The following FRMD4A variants were observed in gnomAD, a reference collection of about 807,000 sequenced individuals.
FRMD4A encodes the protein FERM domain containing 4A, also known as FERM domain-containing protein 4A.
A neutral mutation model predicts 129.1 loss-of-function variants in FRMD4A; 29 were observed. The observed-to-expected ratio is 0.22, with a 90% CI of 0.17 to 0.31. The LOEUF is 0.31. Ranked by LOEUF, FRMD4A falls within the 10% of genes least tolerant of loss-of-function variation. FRMD4A has a pLI of 1.00. For missense variants in FRMD4A, 1,272 were observed against 1,375.8 expected (o/e 0.92, Z 1.19); for synonymous variants, 634 against 571.6 (o/e 1.11, Z -1.56).
At chr10:14,198,901 A>G (rs11258938) in intron 2 of FRMD4A, among the ~76,000 whole-genome samples, 20,410 of 152,200 alleles carry the variant, frequency 0.13, 2,851 homozygotes, top group African/African-American at 0.36. Context: ...TTACAGAGCT[A>G]TTGTGAGGTT....
chr10:13,721,102 A>G (rs747633067), intron 12 of FRMD4A, among the ~76,000 whole-genome samples: 8 of 151,966 alleles, frequency 5.3e-5, no homozygotes, highest in Non-Finnish European at 8.8e-5. Context: ...GTGACAAGGT[A>G]CTCCCCTTGT....
At chr10:14,221,053 G>A (rs1401780658) in intron 2 of FRMD4A, among the ~76,000 whole-genome samples, 1 of 152,146 alleles carries the variant, frequency 6.6e-6, no homozygotes, top group African/African-American at 2.4e-5. Flanking sequence ...GAGGAGCAGA[G>A]AGATTGAGGA....
At chr10:14,006,612 A>T (rs2095663128) in intron 2 of FRMD4A, among the ~76,000 whole-genome samples, 3 of 152,156 alleles carry the variant, frequency 2.0e-5, no homozygotes, top group African/African-American at 7.2e-5. Flanking sequence ...TATGTGCTCA[A>T]TGTGGCCATT....
At chr10:13,963,732 C>A (rs1349358999) in intron 2 of FRMD4A, among the ~76,000 whole-genome samples, 1 of 152,040 alleles carries the variant, frequency 6.6e-6, no homozygotes, top group Non-Finnish European at 1.5e-5. Context: ...AATTACAAAC[C>A]CTATTCTAGG....
rs148111528 is a variant in FRMD4A at position 14,042,683 on chromosome 10, G to C, written c.46-183771C>G. On this transcript the variant is annotated intron_variant, in intron 2 of 24. Transcript: ENST00000357447. ...AGATAAGAAATTTATTTGAAAACAG[G>C]CCGGCGCAGTGGCTCATGCCTGTAA... is the stretch of plus-strand genomic sequence containing the variant. 5.9e-3 allele frequency among the ~76,000 whole-genome samples: 891 copies of C among 152,068 alleles called. 12 individuals are homozygous for C. Among genetic ancestry groups the C allele is most frequent in the Middle Eastern group, 0.027 (8 of 294 alleles).
chr10:14,263,842 C>T (rs1844888441), intron 2 of FRMD4A, among the ~76,000 whole-genome samples: 1 of 152,168 alleles, frequency 6.6e-6, no homozygotes, highest in East Asian at 1.9e-4. Flanking sequence ...GGCATTCCAG[C>T]AGCCAGGTCA....
At chr10:13,811,080 C>A (rs1265002323) in intron 3 of FRMD4A, among the ~76,000 whole-genome samples, 172 bp from the exon 4 acceptor site, 1 of 151,806 alleles carries the variant, frequency 6.6e-6, no homozygotes, top group Admixed American at 6.6e-5. Flanking sequence ...GATGAGCACA[C>A]AGCCAAGTCA....
At chr10:14,102,526 G>T (rs1026165196) in intron 2 of FRMD4A, among the ~76,000 whole-genome samples, 1 of 152,138 alleles carries the variant, frequency 6.6e-6, no homozygotes, top group Non-Finnish European at 1.5e-5. Context: ...GTATGTCAGG[G>T]TGCTCTGGAC....
chr10:14,226,464 TAC>T (rs1281100089), intron 2 of FRMD4A, among the ~76,000 whole-genome samples: 1 of 152,222 alleles, frequency 6.6e-6, no homozygotes, highest in African/African-American at 2.4e-5. Flanking sequence ...TATAGAAATG[TAC>T]AGTCTCACAG....
chr10:14,318,329 C>CT (rs368474626), intron 2 of FRMD4A, among the ~76,000 whole-genome samples: 83,715 of 145,772 alleles, frequency 0.57, 24,259 homozygotes, highest in African/African-American at 0.66. Flanking sequence ...CCCCCCCCAC[C>CT]TTTTTTTTTT....
intron 2 of FRMD4A, among the ~76,000 whole-genome samples, chr10:14,111,292 G>T (rs1246673402): frequency 1.3e-5 from 2 of 152,110 alleles, no homozygotes; most frequent in African/African-American, 4.8e-5. Context: ...CAGGTGCACA[G>T]GCAATATTCT....
At chr10:13,952,354 A>G (rs2095378281) in intron 2 of FRMD4A, among the ~76,000 whole-genome samples, 1 of 151,884 alleles carries the variant, frequency 6.6e-6, no homozygotes, top group Non-Finnish European at 1.5e-5. Context: ...TTTAAAAAGG[A>G]GCCAGGTGTG....
intron 2 of FRMD4A, among the ~76,000 whole-genome samples, chr10:14,189,746 G>C (rs1223070297): frequency 1.3e-5 from 2 of 152,172 alleles, no homozygotes; most frequent in Admixed American, 6.5e-5. Context: ...CTTAGGACTA[G>C]AGCCCATAAA....
intron 2 of FRMD4A, among the ~76,000 whole-genome samples, chr10:14,262,166 A>G (rs574150014): frequency 2.0e-3 from 305 of 152,288 alleles, no homozygotes; most frequent in Middle Eastern, 0.01. Context: ...CCACCACTGC[A>G]GAGAGATTTC....
At chr10:14,002,377 A>T (rs920176251) in intron 2 of FRMD4A, among the ~76,000 whole-genome samples, 4 of 152,206 alleles carry the variant, frequency 2.6e-5, no homozygotes, top group African/African-American at 9.6e-5. Flanking sequence ...AAATAAGAAA[A>T]GAGCATTTCG....
intron 15 of FRMD4A, chr10:13,685,498 C>A: frequency 1.0e-6 from 1 of 985,264 alleles, no homozygotes; most frequent in Non-Finnish European, 1.2e-6. Flanking sequence ...GCTGACCTAT[C>A]TTCTGGGTCC....
chr10:13,781,306 T>TTA (rs1554894201), intron 6 of FRMD4A, among the ~76,000 whole-genome samples: 8 of 79,282 alleles, frequency 1.0e-4, no homozygotes, highest in Non-Finnish European at 1.7e-4. Context: ...TCTTAAAAAT[T>TTA]AAAAAAAAAA....
At chr10:13,806,642 T>C (rs147849448) in intron 4 of FRMD4A, among the ~76,000 whole-genome samples, 132 of 152,272 alleles carry the variant, frequency 8.7e-4, no homozygotes, top group African/African-American at 3.1e-3. Flanking sequence ...ACAGGGGTTT[T>C]CAAATTTGCC....
In FRMD4A at chr10:13,973,373, G is replaced by A. The variant is rs185408800; in HGVS notation, c.46-114461C>T. On this transcript the variant is annotated intron_variant, in intron 2 of 24. Coordinates refer to ENST00000357447, the MANE Select transcript of FRMD4A (RefSeq NM_018027.5). ...ATAATGCAGCCTTTATTTATTTTTG[G>A]GGGAGTTTCTCTATGTTGCCCAGGC... 1.3e-4 allele frequency among the ~76,000 whole-genome samples: 19 copies of A among 151,922 alleles called. No homozygotes were observed. The East Asian group carries it at 3.3e-3, about 26-fold the overall frequency.
Sources: allele counts gnomAD v4.1 joint callset (sites outside exome capture counted in the v4.1 genomes callset), GRCh38; gene constraint gnomAD v4.1.1; transcripts MANE v1.5; gene names NCBI Gene and HGNC (gene_info 2026-07-23, HGNC 2026-07-21).